The following TRMT11 variants were observed in gnomAD, a reference collection of about 807,000 sequenced individuals.
The protein encoded by TRMT11 is tRNA (guanine(10)-N(2))-methyltransferase TRMT11.
TRMT11 carries 53 observed loss-of-function variants against 62.8 expected under a neutral mutation model. That is an observed-to-expected ratio of 0.84 (90% confidence interval 0.68 to 1.06). The LOEUF is 1.06. Ranked by LOEUF, TRMT11 falls within the 50% of genes least tolerant of loss-of-function variation. The pLI is 0.00. For missense variants in TRMT11, 556 were observed against 553.4 expected, an observed-to-expected ratio of 1.00 and a Z score of -0.05; for synonymous variants, 188 against 190.3, an observed-to-expected ratio of 0.99 and a Z score of 0.10.
the TRMT11 span, among the ~76,000 whole-genome samples, chr6:126,241,477 C>G: frequency 1.3e-5 from 2 of 152,102 alleles, no homozygotes; most frequent in Non-Finnish European, 2.9e-5. Context: ...CAAAGCCTGG[C>G]AGAGACACAA....
chr6:126,001,157 A>G (rs964349297), intron 7 of TRMT11, among the ~76,000 whole-genome samples: 4 of 152,120 alleles, frequency 2.6e-5, no homozygotes, highest in Admixed American at 6.6e-5. Context: ...TAATAGATGT[A>G]TTAATACAGT....
intron 21 of TRMT11, among the ~76,000 whole-genome samples, chr6:126,168,255 T>C (rs1778290909): frequency 6.6e-6 from 1 of 152,180 alleles, no homozygotes; most frequent in African/African-American, 2.4e-5. Context: ...TAGGGGGAGT[T>C]CTTTATGGTT....
chr6:126,013,974 C>T (rs1469638667), intron 11 of TRMT11, among the ~76,000 whole-genome samples: 1 of 152,136 alleles, frequency 6.6e-6, no homozygotes, highest in Non-Finnish European at 1.5e-5. Context: ...TTATGATTAT[C>T]TTAAGTACAA....
the TRMT11 span, among the ~76,000 whole-genome samples, chr6:126,223,286 TG>T: frequency 6.6e-6 from 1 of 151,706 alleles, no homozygotes; most frequent in South Asian, 2.1e-4. Flanking sequence ...CTGGGCATGG[TG>T]GTGGGCGCCT....
intron 12 of TRMT11, among the ~76,000 whole-genome samples, chr6:126,035,016 G>C (rs979259447): frequency 5.3e-5 from 8 of 152,042 alleles, no homozygotes; most frequent in Admixed American, 3.9e-4. Flanking sequence ...CTAAACCAAA[G>C]ATAGGATGAA....
chr6:126,171,739 A>G (rs1778331646), intron 21 of TRMT11, among the ~76,000 whole-genome samples: 2 of 152,024 alleles, frequency 1.3e-5, no homozygotes, highest in African/African-American at 2.4e-5. Context: ...TTTTTAAGAG[A>G]GAGAGTTTCG....
chr6:126,250,045 C>A, the TRMT11 span, among the ~76,000 whole-genome samples: 1 of 152,150 alleles, frequency 6.6e-6, no homozygotes, highest in African/African-American at 2.4e-5. Flanking sequence ...CTTTGTTACA[C>A]TCTTCGTTAA....
chr6:126,149,382 T>G (rs1778011960), intron 21 of TRMT11, among the ~76,000 whole-genome samples: 1 of 152,194 alleles, frequency 6.6e-6, no homozygotes, highest in Admixed American at 6.6e-5. Context: ...ATTTTGTATC[T>G]CTATTGGGGT....
the TRMT11 span, among the ~76,000 whole-genome samples, chr6:126,247,115 GCTTAGCTTGCTC>G: frequency 6.6e-6 from 1 of 152,164 alleles, no homozygotes; most frequent in Non-Finnish European, 1.5e-5. Context: ...CGCTGTATGG[GCTTAGCTTGCTC>G]CCTGATTTCT....
At chr6:126,021,552 C>T (rs138596121) in intron 12 of TRMT11, among the ~76,000 whole-genome samples, 1 of 152,306 alleles carries the variant, frequency 6.6e-6, no homozygotes, top group Non-Finnish European at 1.5e-5. Context: ...GTTGCTAACT[C>T]AGTTATAAAA....
chr6:126,023,416 G>A (rs561022705), intron 12 of TRMT11, among the ~76,000 whole-genome samples: 10 of 152,294 alleles, frequency 6.6e-5, no homozygotes, highest in South Asian at 4.1e-4. Context: ...TTGGGAGGCC[G>A]AGGTGGGCAG....
At chr6:126,030,811 A>G (rs1193827186) in intron 12 of TRMT11, among the ~76,000 whole-genome samples, 1 of 152,212 alleles carries the variant, frequency 6.6e-6, no homozygotes, top group Non-Finnish European at 1.5e-5. Flanking sequence ...ATGACTATAG[A>G]GCTCTGCAAC....
rs1265745694 is a variant in TRMT11, at chr6:126,008,377, T to C, written c.680-15T>C. 6.8e-6 allele frequency: 11 copies of C among 1,611,976 alleles called. No homozygotes were observed. The highest frequency in any genetic ancestry group is 9.3e-6 in the Non-Finnish European group (11 of 1,178,310). ...GACTTACTGGTTAACAGGTCAAAATTGTGTGATTTTTCAGGTGGCCTGCTG... is the reference window on the plus strand; with the variant it reads ...GACTTACTGGTTAACAGGTCAAAATCGTGTGATTTTTCAGGTGGCCTGCTG... On this transcript the variant is annotated splice_polypyrimidine_tract_variant and intron_variant, in intron 7 of 12. Coordinates refer to ENST00000334379, the MANE Select transcript of TRMT11 (RefSeq NM_001031712.3).
chr6:126,112,539 TA>T (rs1562325690), intron 17 of TRMT11, among the ~76,000 whole-genome samples: 1 of 152,132 alleles, frequency 6.6e-6, no homozygotes, highest in Non-Finnish European at 1.5e-5. Context: ...ACCTCCAAGA[TA>T]TTTTGGCTGT....
intron 12 of TRMT11, among the ~76,000 whole-genome samples, chr6:126,035,210 G>A (rs1175060928): frequency 6.6e-6 from 1 of 151,962 alleles, no homozygotes; most frequent in Non-Finnish European, 1.5e-5. Context: ...GATATGTGTT[G>A]GACCATAGAC....
intron 17 of TRMT11, among the ~76,000 whole-genome samples, chr6:126,058,424 A>C (rs1407952107): frequency 2.6e-5 from 4 of 152,202 alleles, no homozygotes; most frequent in Non-Finnish European, 5.9e-5. Context: ...ATACATGTGC[A>C]TGTGTCTTTA....
chr6:126,026,672 A>G (rs1358613631), intron 12 of TRMT11, among the ~76,000 whole-genome samples: 1 of 152,084 alleles, frequency 6.6e-6, no homozygotes, highest in African/African-American at 2.4e-5. Context: ...GGCGCGAGCC[A>G]TCGCGCCCGG....
intron 12 of TRMT11, among the ~76,000 whole-genome samples, chr6:126,021,688 A>G (rs983989479): frequency 6.6e-6 from 1 of 152,202 alleles, no homozygotes; most frequent in Admixed American, 6.5e-5. Flanking sequence ...AAAGAGAGAA[A>G]GTAAATGTCC....
intron 3 of TRMT11, among the ~76,000 whole-genome samples, chr6:126,200,618 A>G (rs553081364): frequency 2.0e-5 from 3 of 152,254 alleles, no homozygotes; most frequent in Non-Finnish European, 2.9e-5. Flanking sequence ...GCAGTGGCAC[A>G]ATCTCGGCTC....
Sources: allele counts gnomAD v4.1 joint callset (sites outside exome capture counted in the v4.1 genomes callset), GRCh38; gene constraint gnomAD v4.1.1; transcripts MANE v1.5; gene names NCBI Gene and HGNC (gene_info 2026-07-23, HGNC 2026-07-21).